The following MED27 variants were observed in gnomAD, a reference collection of about 807,000 sequenced individuals.
MED27 encodes the protein mediator complex subunit 27.
MED27 carries 30 observed loss-of-function variants against 38.2 expected under a neutral mutation model. That is an observed-to-expected ratio of 0.79 (90% confidence interval 0.59 to 1.07). The LOEUF is 1.07. Ranked by LOEUF, MED27 falls within the 50% of genes least tolerant of loss-of-function variation. The pLI, the probability that MED27 is intolerant of heterozygous loss-of-function variation, is 0.00. For missense variants in MED27, 289 were observed against 397.5 expected, an observed-to-expected ratio of 0.73 and a Z score of 2.32; for synonymous variants, 122 against 153.5, an observed-to-expected ratio of 0.79 and a Z score of 1.52.
In MED27 at chr9:131,885,379, T is replaced by C. The variant is rs146211320; in HGVS notation, c.682-1280A>G. 2.9e-4 allele frequency among the ~76,000 whole-genome samples: 44 copies of C among 152,358 alleles called. 1 individual carries two copies. In the East Asian group the frequency reaches 8.1e-3, roughly 28 times the overall value. ...GCCCCCGGGGGAAGGTTTTTGTTTTTTGATATACAGATTGCTCAGTTCCTC... is the reference window on the plus strand; with the variant it reads ...GCCCCCGGGGGAAGGTTTTTGTTTTCTGATATACAGATTGCTCAGTTCCTC... On this transcript the variant is annotated intron_variant, in intron 5 of 7. Transcript: ENST00000292035.
At chr9:132,014,562 C>A (rs924507039) in intron 2 of MED27, 95 bp from the exon 3 acceptor site, 34 of 1,261,368 alleles carry the variant, frequency 2.7e-5, no homozygotes, top group Non-Finnish European at 3.6e-5. Context: ...TAATCTTATC[C>A]CCTTAGAACA....
intron 2 of MED27, among the ~76,000 whole-genome samples, chr9:132,023,600 C>T (rs1421556959): frequency 6.6e-6 from 1 of 152,158 alleles, no homozygotes; most frequent in African/African-American, 2.4e-5. Context: ...CCTCCATAAA[C>T]CAACAGTCTG....
intron 3 of MED27, among the ~76,000 whole-genome samples, chr9:131,961,552 C>T (rs1026768406): frequency 6.6e-6 from 1 of 152,200 alleles, no homozygotes; most frequent in African/African-American, 2.4e-5. Flanking sequence ...TCTGAGGGTC[C>T]GCTGACAGCC....
intron 2 of MED27, among the ~76,000 whole-genome samples, chr9:132,045,840 T>G (rs189965719): frequency 6.6e-6 from 1 of 152,352 alleles, no homozygotes; most frequent in Non-Finnish European, 1.5e-5. Flanking sequence ...ATGTTATCTG[T>G]AGGTTCTGGG....
At chr9:131,935,925 G>A (rs757185841) in intron 4 of MED27, among the ~76,000 whole-genome samples, 8 of 151,902 alleles carry the variant, frequency 5.3e-5, no homozygotes, top group Non-Finnish European at 1.2e-4. Context: ...TGAGGCAGAC[G>A]CATCACTTGA....
At chr9:131,983,832 A>G (rs962606167) in intron 3 of MED27, among the ~76,000 whole-genome samples, 1 of 152,198 alleles carries the variant, frequency 6.6e-6, no homozygotes, top group Non-Finnish European at 1.5e-5. Flanking sequence ...TACCCCTCAA[A>G]ACAATTTACA....
intron 3 of MED27, among the ~76,000 whole-genome samples, chr9:131,946,594 T>A (rs1209860268): frequency 6.6e-6 from 1 of 152,210 alleles, no homozygotes; most frequent in Non-Finnish European, 1.5e-5. Flanking sequence ...GGCTCCCTAC[T>A]TTTTGTATCA....
intron 2 of MED27, among the ~76,000 whole-genome samples, chr9:132,046,999 C>T (rs752597753): frequency 6.6e-5 from 10 of 152,122 alleles, no homozygotes; most frequent in African/African-American, 9.7e-5. Context: ...TGATGAACTC[C>T]TGGCTTCATC....
chr9:131,864,208 C>A (rs141985439), intron 6 of MED27, among the ~76,000 whole-genome samples: 28 of 152,274 alleles, frequency 1.8e-4, no homozygotes, highest in African/African-American at 6.3e-4. Flanking sequence ...AGGCCAGGTG[C>A]GGTGCCTCAT....
intron 2 of MED27, among the ~76,000 whole-genome samples, chr9:132,056,525 A>G (rs1304707389): frequency 6.6e-6 from 1 of 152,218 alleles, no homozygotes; most frequent in East Asian, 1.9e-4. Flanking sequence ...ATTCAAAGAA[A>G]ATGTACTTTG....
chr9:131,875,135 C>T (rs1254153591), intron 6 of MED27, among the ~76,000 whole-genome samples: 2 of 152,126 alleles, frequency 1.3e-5, no homozygotes, highest in Admixed American at 6.5e-5. Flanking sequence ...CTGGAGATCA[C>T]TGGTTGCGCC....
At chr9:132,038,881 G>A (rs1833142969) in intron 2 of MED27, among the ~76,000 whole-genome samples, 1 of 152,158 alleles carries the variant, frequency 6.6e-6, no homozygotes, top group Non-Finnish European at 1.5e-5. Flanking sequence ...CCGTGGCAGG[G>A]CTTCGAACGG....
Position 132,003,092 on chromosome 9 carries a change from T to TAA in MED27, c.479+11243_479+11244dup, listed in dbSNP as rs113279679. 1.2e-4 allele frequency among the ~76,000 whole-genome samples: 18 copies of TAA among 147,952 alleles called. No individual in the cohort carries two copies. Among genetic ancestry groups the TAA allele is most frequent in the Non-Finnish European group, 2.4e-4 (16 of 66,520 alleles). Reference sequence around the variant, plus strand: ...GCTCTTTGTTATGCAAAGAGAGATTTAAAAAAAAAAATGGATCCAGCTTCT... The same window carrying TAA: ...GCTCTTTGTTATGCAAAGAGAGATTTAAAAAAAAAAAAATGGATCCAGCTTCT... On this transcript the variant is annotated intron_variant, in intron 3 of 7. Coordinates refer to ENST00000292035, the MANE Select transcript of MED27 (RefSeq NM_004269.4). The surrounding 1 kb of genome is among the most constrained non-coding windows in gnomAD (Gnocchi z 4.2).
intron 2 of MED27, among the ~76,000 whole-genome samples, chr9:132,047,870 C>T (rs1053949116): frequency 3.3e-5 from 5 of 151,804 alleles, no homozygotes; most frequent in South Asian, 2.1e-4. Context: ...AAGCTAAAAA[C>T]GAAAACATTT....
Position 132,064,221 on chromosome 9 carries a change from G to A in MED27, c.348+13221C>T, listed in dbSNP as rs545056761. 2.3e-4 allele frequency among the ~76,000 whole-genome samples: 35 copies of A among 152,248 alleles called. No homozygotes were observed. In the South Asian group the frequency reaches 6.4e-3, roughly 28 times the overall value. ...CTGGATGAAGAGCAGGTGGGTGATC[G>A]GACACACCAAGAGAATACAGAGCAT... On this transcript the variant is annotated intron_variant, in intron 2 of 7. Transcript: ENST00000292035.
chr9:131,873,045 C>A (rs1181007765), intron 6 of MED27, among the ~76,000 whole-genome samples: 1 of 152,232 alleles, frequency 6.6e-6, no homozygotes, highest in Non-Finnish European at 1.5e-5. Context: ...AATGGACTTT[C>A]ATTGGGTAGA....
In MED27 at chr9:131,876,301, A is replaced by G. The variant is rs568936048; in HGVS notation, c.723+7757T>C. Among the ~76,000 whole-genome samples, 3 of 152,290 alleles carry G rather than the reference A, an allele frequency of 2.0e-5. No homozygotes were observed. In the South Asian group the frequency reaches 6.2e-4, roughly 32 times the overall value. On this transcript the variant is annotated intron_variant, in intron 6 of 7. Coordinates refer to ENST00000292035, the MANE Select transcript of MED27 (RefSeq NM_004269.4). Reference sequence around the variant, plus strand: ...ACTCTGTGACTCCTCTAATGGCAGAAAGCCACAGACCACTTCCAGGGCAAC... The same window carrying G: ...ACTCTGTGACTCCTCTAATGGCAGAGAGCCACAGACCACTTCCAGGGCAAC...
chr9:131,901,921 T>C (rs905019567), intron 4 of MED27, among the ~76,000 whole-genome samples: 6 of 152,194 alleles, frequency 3.9e-5, no homozygotes, highest in Non-Finnish European at 8.8e-5. Flanking sequence ...TTGAAAGATT[T>C]GAGTCGAAGG....
chr9:132,044,420 C>G (rs1208600623), intron 2 of MED27, among the ~76,000 whole-genome samples: 1 of 152,204 alleles, frequency 6.6e-6, no homozygotes, highest in Non-Finnish European at 1.5e-5. Context: ...TTTCAGTGAT[C>G]TTGCATCAGA....
Sources: allele counts gnomAD v4.1 joint callset (sites outside exome capture counted in the v4.1 genomes callset), GRCh38; gene constraint gnomAD v4.1.1; non-coding constraint Gnocchi (gnomAD v3.1); transcripts MANE v1.5; gene names NCBI Gene and HGNC (gene_info 2026-07-23, HGNC 2026-07-21).